SMYD1: variants seen among roughly 807,000 people sequenced by gnomAD.
The protein encoded by SMYD1 is SET and MYND domain containing 1.
A neutral mutation model predicts 54.0 loss-of-function variants in SMYD1; 49 were observed. The observed-to-expected ratio is 0.91, with a 90% CI of 0.72 to 1.15. The LOEUF (loss-of-function observed/expected upper bound fraction) is 1.15, where lower values mean the gene tolerates loss of function less well. SMYD1 is among the 50% of genes most tolerant of loss of function. The pLI, the probability that SMYD1 is intolerant of heterozygous loss-of-function variation, is 0.00. For missense variants in SMYD1, 653 were observed against 639.6 expected, an observed-to-expected ratio of 1.02 and a Z score of -0.23; for synonymous variants, 269 against 234.2, an observed-to-expected ratio of 1.15 and a Z score of -1.36.
chr2:88,096,826 T>G (rs1442654790), intron 6 of SMYD1, 42 bp downstream of exon 6: 1 of 1,579,730 alleles, frequency 6.3e-7, no homozygotes, highest in Non-Finnish European at 8.6e-7. Flanking sequence ...GTCTGTCTTC[T>G]CCGGGAGCCA....
Position 88,096,727 on chromosome 2 carries a change from A to C in SMYD1, c.831A>C (p.Glu277Asp), listed in dbSNP as rs1364259364. The change falls in exon 6 of 10, where the codon GAA becomes GAC. Residue 277 changes from glutamate (E) to aspartate (D), a missense_variant. Physicochemically the swap from Glu to Asp is conservative, Grantham distance 45 (BLOSUM62 2). Coordinates refer to ENST00000419482, the MANE Select transcript of SMYD1 (RefSeq NM_198274.4). ...KKQYYFDCTC[E>D]HCQKKLKDDL... ...AGTACTACTTTGACTGCACATGTGAACACTGCCAGAAAAAACTGAAGGATG... is the reference window on the plus strand; with the variant it reads ...AGTACTACTTTGACTGCACATGTGACCACTGCCAGAAAAAACTGAAGGATG... 6.2e-7 allele frequency: 1 copy of C among 1,614,220 alleles called. No homozygotes were observed. The highest frequency in any genetic ancestry group is 8.5e-7 in the Non-Finnish European group (1 of 1,180,042).
intron 6 of SMYD1, among the ~76,000 whole-genome samples, chr2:88,098,536 A>C (rs1172795424): frequency 6.6e-6 from 1 of 152,258 alleles, no homozygotes; most frequent in East Asian, 1.9e-4. Context: ...AAAACAACTC[A>C]AAAATAACTC....
In SMYD1 at chr2:88,096,782, A is replaced by C. The variant is rs1160261995; in HGVS notation, c.886A>C (p.Lys296Gln). 1 of 1,612,750 alleles carries C rather than the reference A, an allele frequency of 6.2e-7. No individual in the cohort carries two copies. The highest frequency in any genetic ancestry group is 1.1e-5 in the South Asian group (1 of 90,842). The change falls in exon 6 of 10, where the codon AAG (lysine) becomes CAG (glutamine). Residue 296 changes from lysine to glutamine, a missense_variant and splice_region_variant. Transcript: ENST00000419482. ...DLFLGVKDNP[K>Q]PSQEVVKEMI... Reference sequence around the variant, plus strand: ...CTTCCTGGGGGTGAAAGACAACCCCAAGGTACACACAGCCCTGCTGCTGAG... The same window carrying C: ...CTTCCTGGGGGTGAAAGACAACCCCCAGGTACACACAGCCCTGCTGCTGAG...
At chr2:88,091,559 A>G (rs1674462891) in intron 4 of SMYD1, among the ~76,000 whole-genome samples, 2 of 152,274 alleles carry the variant, frequency 1.3e-5, no homozygotes, top group African/African-American at 4.8e-5. Flanking sequence ...AGATACTAAC[A>G]AGGGGCAGGG....
intron 1 of SMYD1, among the ~76,000 whole-genome samples, chr2:88,072,152 T>C (rs551673642): frequency 2.1e-4 from 32 of 152,122 alleles, no homozygotes; most frequent in Non-Finnish European, 4.3e-4. Flanking sequence ...TTATTATTGT[T>C]ATTATTTTTA....
chr2:88,088,050 A>G lies in SMYD1; in HGVS notation c.503A>G (p.Gln168Arg), dbSNP rs769090531. Residue 168 changes from glutamine to arginine, a missense_variant, in exon 3 of 10, where the codon CAG (glutamine) becomes CGG (arginine). Physicochemically the swap from Gln to Arg is conservative, Grantham distance 43. Coordinates refer to ENST00000419482, the MANE Select transcript of SMYD1 (RefSeq NM_198274.4). The stretch of plus-strand genomic sequence containing the variant: ...CCGCAGAGCCAGCAGTTCAGCATGC[A>G]GTACATCTCGCACATCTTCGGAGTG... The part of the protein sequence containing the change: ...WPPQSQQFSM[Q>R]YISHIFGVIN... The G allele has an allele frequency of 2.5e-6, 4 of 1,613,978 alleles. No homozygotes were observed. The African/African-American group carries it at 5.3e-5, about 22-fold the overall frequency.
chr2:88,103,325 T>C (rs1674771364), intron 7 of SMYD1, among the ~76,000 whole-genome samples, 175 bp downstream of exon 7: 2 of 152,126 alleles, frequency 1.3e-5, no homozygotes, highest in Non-Finnish European at 2.9e-5. Flanking sequence ...CGTAAATCTT[T>C]AGCATCTCTT....
rs112307095 is a variant in SMYD1, at chr2:88,073,496, A to G, written c.137+5495A>G. ...TTGAGAACTCTCCAGGCTGCTTTCT[A>G]CAAGGGCTGAACTAATTTGTAGATG... On this transcript the variant is annotated intron_variant, in intron 1 of 9. Coordinates refer to ENST00000419482, the MANE Select transcript of SMYD1 (RefSeq NM_198274.4). 4.6e-3 allele frequency among the ~76,000 whole-genome samples: 708 copies of G among 152,366 alleles called. 5 individuals carry two copies. The highest frequency in any genetic ancestry group is 0.016 in the African/African-American group (676 of 41,590).
chr2:88,079,554 T>C (rs1358015966), intron 1 of SMYD1, among the ~76,000 whole-genome samples: 1 of 151,946 alleles, frequency 6.6e-6, no homozygotes, highest in Non-Finnish European at 1.5e-5. Flanking sequence ...TTGCACAGAA[T>C]TTAAAAACAA....
intron 4 of SMYD1, 97 bp from the exon 5 acceptor site, chr2:88,093,420 G>A (rs1213865114): frequency 2.8e-6 from 4 of 1,422,692 alleles, no homozygotes; most frequent in Non-Finnish European, 4.0e-6. Context: ...CCAAAGCTTT[G>A]ATACTGTGAC....
At chr2:88,105,609 GT>G (rs1346983747) in intron 7 of SMYD1, among the ~76,000 whole-genome samples, 1 of 152,086 alleles carries the variant, frequency 6.6e-6, no homozygotes, top group Non-Finnish European at 1.5e-5. Context: ...TGTTTGTATT[GT>G]TTTTTGCTGT....
intron 7 of SMYD1, among the ~76,000 whole-genome samples, chr2:88,103,799 T>C (rs10202432): frequency 0.26 from 40,187 of 151,942 alleles, 5,298 homozygotes; most frequent in African/African-American, 0.29. Flanking sequence ...TTATTGGAAA[T>C]ACTGATTTCC....
chr2:88,077,485 G>A (rs1432739575), intron 1 of SMYD1, among the ~76,000 whole-genome samples: 1 of 152,186 alleles, frequency 6.6e-6, no homozygotes, highest in Non-Finnish European at 1.5e-5. Context: ...TTAAAAAAAC[G>A]AATCACTAAA....
chr2:88,081,773 A>G (rs1178103020), intron 1 of SMYD1, among the ~76,000 whole-genome samples: 1 of 152,166 alleles, frequency 6.6e-6, no homozygotes, highest in African/African-American at 2.4e-5. Flanking sequence ...TCACTAAAGA[A>G]ACTAATGGAA....
intron 1 of SMYD1, among the ~76,000 whole-genome samples, chr2:88,078,475 A>G (rs1674117816): frequency 6.6e-6 from 1 of 152,184 alleles, no homozygotes; most frequent in Admixed American, 6.5e-5. Flanking sequence ...CAGGTCACAC[A>G]GCCAGTAGAT....
chr2:88,068,460 A>G (rs1274517630), intron 1 of SMYD1, among the ~76,000 whole-genome samples: 2 of 152,202 alleles, frequency 1.3e-5, no homozygotes, highest in African/African-American at 4.8e-5. Flanking sequence ...CTTTCCCTTG[A>G]AAAATCTGAG....
intron 1 of SMYD1, among the ~76,000 whole-genome samples, chr2:88,072,993 A>G (rs1402514544): frequency 2.0e-5 from 3 of 152,164 alleles, no homozygotes; most frequent in Non-Finnish European, 4.4e-5. Flanking sequence ...TTGGGCTTCT[A>G]ATAATCTGCT....
rs1230222724 is a variant in SMYD1 at position 88,068,084 on chromosome 2, A to C, written c.137+83A>C. The C allele has an allele frequency of 2.7e-6, 4 of 1,490,576 alleles. No individual in the cohort carries two copies. The East Asian group carries it at 9.5e-5, about 35-fold the overall frequency. The allele number at this position is 1,490,576 out of a possible 1,614,324, so 92.3% of individuals were successfully genotyped here. ...AAATACTTTGCTCTCAAAAATCATC[A>C]GGGGAAGGGATAAAATTCATGTGCT... On this transcript the variant is annotated intron_variant, in intron 1 of 9. Coordinates refer to ENST00000419482, the MANE Select transcript of SMYD1 (RefSeq NM_198274.4).
chr2:88,070,975 A>C (rs2103974328), intron 1 of SMYD1, among the ~76,000 whole-genome samples: 1 of 149,088 alleles, frequency 6.7e-6, no homozygotes, highest in East Asian at 2.0e-4. Context: ...AAACAGTAAT[A>C]GTTTTATCAC....
Sources: gnomAD v4.1 joint callset for allele counts (sites outside exome capture counted in the v4.1 genomes callset) on GRCh38, gnomAD v4.1.1 for gene constraint, MANE v1.5 for transcripts, NCBI Gene and HGNC (gene_info 2026-07-23, HGNC 2026-07-21) for gene names.